The following OTOG variants were observed in gnomAD, a reference collection of about 807,000 sequenced individuals.
The protein encoded by OTOG is otogelin.
OTOG carries 296 observed loss-of-function variants against 313.8 expected under a neutral mutation model. The observed-to-expected ratio is 0.94, with a 90% confidence interval of 0.86 to 1.04. The LOEUF is 1.04. Among genes scored for constraint, OTOG ranks in the 50% least tolerant of loss-of-function variants. The pLI is 0.00. For synonymous variants in OTOG, 1,533 were observed against 1,554.9 expected (o/e 0.99, Z 0.33); for missense variants, 3,948 against 3,840.1 (o/e 1.03, Z -0.74).
At chr11:17,568,515 C>T (rs1364069359) in intron 15 of OTOG, among the ~76,000 whole-genome samples, 4 of 152,192 alleles carry the variant, frequency 2.6e-5, no homozygotes, top group Non-Finnish European at 5.9e-5. Flanking sequence ...GTCTGTGTCC[C>T]ACACAAGTAT....
chr11:17,586,578 C>A lies in OTOG; in HGVS notation c.2864C>A (p.Thr955Asn). ...PGDQVMSPCH[T>N]CVCQRGSFQC... ...GACCAGGTGATGTCTCCTTGCCATA[C>A]CTGGTAAGTGAGGGTCCCAAGCAGG... is the stretch of plus-strand genomic sequence containing the variant. The change falls in exon 24 of 56, where the codon ACC (threonine) becomes AAC (asparagine). Residue 955 changes from threonine to asparagine, a missense_variant. Thr to Asn is a moderately conservative substitution (Grantham distance 65). Transcript: ENST00000399397. 2 of 1,380,836 alleles carry A rather than the reference C, an allele frequency of 1.4e-6. No individual in the cohort carries two copies. Among genetic ancestry groups the A allele is most frequent in the Non-Finnish European group, 1.9e-6 (2 of 1,059,868 alleles). 85.5% of individuals were successfully genotyped at this position (1,380,836 alleles called of 1,614,324 possible).
Position 17,610,348 on chromosome 11 carries a change from A to G in OTOG, c.5048A>G (p.Gln1683Arg), listed in dbSNP as rs1426690290. ...TKVISRTGVP[Q>R]PTQAQSASSP... ...GTCATAAGCAGGACAGGGGTCCCCC[A>G]GCCCACCCAGGCCCAGAGTGCTTCA... Residue 1683 changes from glutamine (Q) to arginine (R), a missense_variant, in exon 36 of 56, where the codon CAG (glutamine) becomes CGG (arginine). Gln to Arg is a conservative substitution (Grantham distance 43). Transcript: ENST00000399397. 7.1e-6 allele frequency: 11 copies of G among 1,550,454 alleles called. No homozygotes were observed. In the South Asian group the frequency reaches 1.1e-4, roughly 15 times the overall value.
At chr11:17,564,917 G>A (rs1286640191) in intron 15 of OTOG, among the ~76,000 whole-genome samples, 1 of 152,160 alleles carries the variant, frequency 6.6e-6, no homozygotes, top group Non-Finnish European at 1.5e-5. Context: ...CCCAGAATCT[G>A]TGTAGTGTTT....
intron 23 of OTOG, among the ~76,000 whole-genome samples, chr11:17,583,224 T>A (rs868594643): frequency 1.3e-5 from 2 of 152,238 alleles, no homozygotes; most frequent in Non-Finnish European, 2.9e-5. Context: ...AGCCTTGAAC[T>A]CCTTAGCTCA....
intron 52 of OTOG, 75 bp from the exon 53 acceptor site, chr11:17,642,052 G>A (rs773967594): frequency 6.6e-7 from 1 of 1,517,792 alleles, no homozygotes; most frequent in Non-Finnish European, 8.9e-7. Context: ...GTACAAACAG[G>A]CTCCCAGACC....
Position 17,641,967 on chromosome 11 carries a change from G to A in OTOG, c.8295+16G>A, listed in dbSNP as rs1283865871. 6.5e-6 allele frequency: 10 copies of A among 1,547,832 alleles called. No individual in the cohort carries two copies. Among genetic ancestry groups the A allele is most frequent in the African/African-American group, 2.7e-5 (2 of 72,928 alleles). On this transcript the variant is annotated intron_variant, in intron 52 of 55. Transcript: ENST00000399397. The stretch of plus-strand genomic sequence containing the variant: ...CCTGTTCTTGGTAAGCAGCCCCCTC[G>A]CTGCCCACTTAGGAGGGTGTCCCAG...
rs79215751 is a variant in OTOG, at chr11:17,616,975, G to A, written c.6528+3274G>A. Among the ~76,000 whole-genome samples, 9 of 152,346 alleles carry A rather than the reference G, an allele frequency of 5.9e-5. No individual in the cohort carries two copies. The East Asian group carries it at 1.7e-3, about 29-fold the overall frequency. On this transcript the variant is annotated intron_variant, in intron 39 of 55. Coordinates refer to ENST00000399397, the MANE Select transcript of OTOG (RefSeq NM_001292063.2). ...TCAGTCTTTCACTGTAAGGCATGATGTTAGTTGTAGGCTTTTCACAGATGT... is the reference window on the plus strand; with the variant it reads ...TCAGTCTTTCACTGTAAGGCATGATATTAGTTGTAGGCTTTTCACAGATGT...
At position 17,596,913 on chromosome 11, in the gene OTOG, T is replaced by G. The variant is rs1853123517; in HGVS notation, c.3588T>G (p.Gly1196=). The G allele has an allele frequency of 6.4e-7, 1 of 1,550,884 alleles. No homozygotes were observed. The highest frequency in any genetic ancestry group is 8.7e-7 in the Non-Finnish European group (1 of 1,147,054). The change falls in exon 30 of 56, where the codon GGT becomes GGG. Residue 1196 remains glycine, a synonymous_variant. Transcript: ENST00000399397. ...ACACATGTGGCTGCAGCCAGGGTGG[T>G]GACTGTGAGTGCTTCTGTGCCAGCG... ...LTDTCGCSQG[G]DCECFCASVS...
Position 17,613,195 on chromosome 11 carries a change from T to TTTCTTTCTTTCTTTC in OTOG, c.6439-415_6439-414insCTTTCTTTCTTTCTT, listed in dbSNP as rs1401646180. Reference sequence around the variant, plus strand: ...TTTTCTTTCTTTCTTTCTTTCTTTCTTTTCTTTCTTTCTTTCTTTCTTTCT... The same window carrying TTTCTTTCTTTCTTTC: ...TTTTCTTTCTTTCTTTCTTTCTTTCTTTCTTTCTTTCTTTCTTTCTTTCTTTCTTTCTTTCTTTCT... On this transcript the variant is annotated intron_variant, in intron 38 of 55. Coordinates refer to ENST00000399397, the MANE Select transcript of OTOG (RefSeq NM_001292063.2). Among the ~76,000 whole-genome samples the TTTCTTTCTTTCTTTC allele has an allele frequency of 2.6e-3, 172 of 65,362 alleles. 1 individual carries two copies. Among genetic ancestry groups the TTTCTTTCTTTCTTTC allele is most frequent in the South Asian group, 8.0e-3 (14 of 1,748 alleles). The allele number at this position is 65,362 out of a possible 152,430, so 42.9% of individuals were successfully genotyped here.
At chr11:17,636,799 T>C (rs1420519593) in intron 47 of OTOG, among the ~76,000 whole-genome samples, 2 of 152,060 alleles carry the variant, frequency 1.3e-5, no homozygotes, top group Admixed American at 1.3e-4. Context: ...TCAGTTGGTT[T>C]CTGAGCCTCA....
rs148812143 is a variant in OTOG at position 17,635,297 on chromosome 11, G to T, written c.7693+110G>T. On this transcript the variant is annotated intron_variant, in intron 46 of 55. Coordinates refer to ENST00000399397, the MANE Select transcript of OTOG (RefSeq NM_001292063.2). ...GAAAGGCTGGGGGTCTTCAGATGGGGTGGGCAAAGGGAGAAGGACAAGCTC... is the reference window on the plus strand; with the variant it reads ...GAAAGGCTGGGGGTCTTCAGATGGGTTGGGCAAAGGGAGAAGGACAAGCTC... 1.8e-5 allele frequency: 15 copies of T among 845,856 alleles called. No homozygotes were observed. In the East Asian group the frequency reaches 4.0e-4, roughly 23 times the overall value. 52.4% of individuals were successfully genotyped at this position (845,856 alleles called of 1,614,324 possible).
intron 39 of OTOG, among the ~76,000 whole-genome samples, chr11:17,614,226 C>T (rs1853669129): frequency 6.6e-6 from 1 of 152,110 alleles, no homozygotes; most frequent in African/African-American, 2.4e-5. Context: ...ACTGATCTGT[C>T]TCCTCCTCAG....
intron 38 of OTOG, among the ~76,000 whole-genome samples, chr11:17,613,252 T>TTTCC (rs1554975572): frequency 7.1e-6 from 1 of 141,558 alleles, no homozygotes. Flanking sequence ...TCTTTCTTTC[T>TTTCC]TTCTTTCTTT....
intron 35 of OTOG, 94 bp downstream of exon 35, chr11:17,609,303 G>T: frequency 8.6e-7 from 1 of 1,162,530 alleles, no homozygotes; most frequent in Non-Finnish European, 1.2e-6. Context: ...CCAGGTCCCA[G>T]AGAAGCAAGA....
rs1470105652 is a variant in OTOG at position 17,610,932 on chromosome 11, C to A, written c.5632C>A (p.Leu1878Met). 1 of 1,550,336 alleles carries A rather than the reference C, an allele frequency of 6.5e-7. No homozygotes were observed. The highest frequency in any genetic ancestry group is 2.4e-5 in the East Asian group (1 of 40,892). The change falls in exon 36 of 56, where the codon CTG becomes ATG. Residue 1878 changes from leucine to methionine, a missense_variant. Coordinates refer to ENST00000399397, the MANE Select transcript of OTOG (RefSeq NM_001292063.2). ...AGCAGGCACAGCTCCAGGCCTGCTG[C>A]TGGGAGCCACATTGCCAACCTCTGG... is the stretch of plus-strand genomic sequence containing the variant. ...PAAGTAPGLLLGATLPTSGVL... is the reference protein window; with the variant it reads ...PAAGTAPGLLMGATLPTSGVL...
At position 17,609,945 on chromosome 11, in the gene OTOG, C is replaced by G; in HGVS notation, c.4645C>G (p.Pro1549Ala). The change falls in exon 36 of 56, where the codon CCA becomes GCA. Residue 1549 changes from proline to alanine, a missense_variant. Transcript: ENST00000399397. ...ACTCCCCGCCGGCCCCACGGAGTCCCCAGCCAGCAAGGGAGTGACTGCCAG... is the reference window on the plus strand; with the variant it reads ...ACTCCCCGCCGGCCCCACGGAGTCCGCAGCCAGCAAGGGAGTGACTGCCAG... The part of the protein sequence containing the change: ...SQLPAGPTES[P>A]ASKGVTASLL... 2 of 1,540,136 alleles carry G rather than the reference C, an allele frequency of 1.3e-6. No individual in the cohort carries two copies. The highest frequency in any genetic ancestry group is 1.8e-6 in the Non-Finnish European group (2 of 1,140,776).
intron 47 of OTOG, among the ~76,000 whole-genome samples, chr11:17,636,873 C>T (rs755052193): frequency 5.3e-5 from 8 of 151,874 alleles, no homozygotes; most frequent in Non-Finnish European, 1.2e-4. Flanking sequence ...CAAGGTTGCT[C>T]ATTTGTAAAA....
intron 31 of OTOG, among the ~76,000 whole-genome samples, chr11:17,601,141 A>G (rs1374530427): frequency 2.6e-5 from 4 of 152,188 alleles, no homozygotes; most frequent in Non-Finnish European, 5.9e-5. Context: ...CACAGCCAGC[A>G]CTGCTTGTCT....
intron 20 of OTOG, 81 bp from the exon 21 acceptor site, chr11:17,576,475 G>A (rs1852528473): frequency 8.7e-7 from 1 of 1,146,122 alleles, no homozygotes; most frequent in Non-Finnish European, 1.3e-6. Context: ...CTGGTTGGCT[G>A]AGGGTGGGGT....
Sources: allele counts gnomAD v4.1 joint callset (sites outside exome capture counted in the v4.1 genomes callset), GRCh38; gene constraint gnomAD v4.1.1; transcripts MANE v1.5; gene names NCBI Gene and HGNC (gene_info 2026-07-23, HGNC 2026-07-21).